Variants in EXOSC9 observed in about 807,000 individuals in gnomAD.
EXOSC9 encodes exosome complex component RRP45.
Under a neutral mutation model 56.5 loss-of-function variants are expected in EXOSC9, and 38 were observed. The ratio of observed to expected loss-of-function variants is 0.67; its 90% confidence interval spans 0.52 to 0.88. The LOEUF (loss-of-function observed/expected upper bound fraction) is 0.88. Ranked by LOEUF, EXOSC9 falls within the 40% of genes least tolerant of loss-of-function variation. The pLI, the probability that EXOSC9 is intolerant of heterozygous loss-of-function variation, is 0.00. For synonymous variants in EXOSC9, 170 were observed against 170.8 expected, an observed-to-expected ratio of 0.99 and a Z score of 0.04; for missense variants, 559 against 530.5, an observed-to-expected ratio of 1.05 and a Z score of -0.53.
chr4:121,809,000 T>A (rs905388440), intron 6 of EXOSC9, among the ~76,000 whole-genome samples: 10 of 151,790 alleles, frequency 6.6e-5, no homozygotes, highest in East Asian at 5.8e-4. Context: ...ATTTTTTTTT[T>A]ATTTTTTTGT....
chr4:121,801,948 T>G, intron 2 of EXOSC9, 27 bp downstream of exon 2: 1 of 1,517,016 alleles, frequency 6.6e-7, no homozygotes, highest in Non-Finnish European at 9.2e-7. Flanking sequence ...GAGATACACA[T>G]TCGGAAGGGA....
chr4:121,808,060 G>A (rs1160671973), intron 6 of EXOSC9, among the ~76,000 whole-genome samples: 1 of 152,086 alleles, frequency 6.6e-6, no homozygotes, highest in Non-Finnish European at 1.5e-5. Flanking sequence ...TTCACAGACT[G>A]GAGGAAAAAA....
rs1009897621 is a variant in EXOSC9 at position 121,810,074 on chromosome 4, G to T, written c.713G>T (p.Gly238Val). The change falls in exon 7 of 12, where the codon GGT (glycine) becomes GTT (valine). Residue 238 changes from glycine to valine, a missense_variant. Gly to Val is a moderately radical substitution (Grantham distance 109). Transcript: ENST00000243498. ...GAGATTTGTACTATCCAGTCCAGTG[G>T]TGGGATAATGCTACTAAAAGATCAA... ...HREICTIQSSGGIMLLKDQVL... is the reference protein window; with the variant it reads ...HREICTIQSSVGIMLLKDQVL... 4 of 1,613,786 alleles carry T rather than the reference G, an allele frequency of 2.5e-6. No individual in the cohort carries two copies. In the African/African-American group the frequency reaches 5.3e-5, roughly 22 times the overall value.
At chr4:121,801,685 C>A in intron 1 of EXOSC9, 142 bp from the exon 2 acceptor site, 1 of 806,326 alleles carries the variant, frequency 1.2e-6, no homozygotes, top group Non-Finnish European at 2.1e-6. Flanking sequence ...GTTGTCCATG[C>A]TGTAGTTTCC....
chr4:121,806,484 GAAA>G (rs112943154), intron 5 of EXOSC9, among the ~76,000 whole-genome samples: 1 of 120,306 alleles, frequency 8.3e-6, no homozygotes, highest in East Asian at 2.2e-4. Context: ...CTTAAAATTA[GAAA>G]AAAAAAAAAA....
In EXOSC9 at chr4:121,804,738, C is replaced by A; in HGVS notation, c.501C>A (p.Val167=). ...LCHFRRPDVS[V]QGDEVTLYTP... ...ATTTCCGAAGACCTGATGTCTCTGT[C>A]CAAGGAGATGAAGTAACACTGGTAA... The change falls in exon 5 of 12, where the codon GTC becomes GTA. Residue 167 remains valine, a synonymous_variant. Transcript: ENST00000243498. 1 of 1,610,114 alleles carries A rather than the reference C, an allele frequency of 6.2e-7. No individual in the cohort carries two copies. Among genetic ancestry groups the A allele is most frequent in the Non-Finnish European group, 8.5e-7 (1 of 1,177,430 alleles).
chr4:121,805,399 A>G (rs1308921845), intron 5 of EXOSC9, among the ~76,000 whole-genome samples: 1 of 152,218 alleles, frequency 6.6e-6, no homozygotes. Context: ...GTTTTGATTT[A>G]TATAAATTAC....
At chr4:121,804,499 C>G (rs1013504988) in intron 4 of EXOSC9, 123 bp from the exon 5 acceptor site, 1 of 575,050 alleles carries the variant, frequency 1.7e-6, no homozygotes, top group Admixed American at 3.3e-5. Context: ...TGACAAAGTA[C>G]AAGGAGTAAC....
At chr4:121,814,269 G>A (rs1191681161) in intron 10 of EXOSC9, 4 of 282,304 alleles carry the variant, frequency 1.4e-5, no homozygotes, top group Middle Eastern at 2.0e-3. Flanking sequence ...TGTAAGTATT[G>A]CATTTTTAGA....
At chr4:121,811,509 C>A in intron 7 of EXOSC9, 74 bp from the exon 8 acceptor site, 1 of 788,926 alleles carries the variant, frequency 1.3e-6, no homozygotes, top group Non-Finnish European at 1.9e-6. Context: ...AGAAAAATTT[C>A]ATGGTTTTAG....
At position 121,816,858 on chromosome 4, in the gene EXOSC9, G is replaced by C; in HGVS notation, c.*2G>C. ...AAAAAGAAGAGAGCTGCCAATTAAA[G>C]CTAACAGTTGTATATCTGTATATAT... On this transcript the variant is annotated 3_prime_UTR_variant, in exon 12 of 12. Coordinates refer to ENST00000243498, the MANE Select transcript of EXOSC9 (RefSeq NM_005033.3). 6.3e-7 allele frequency: 1 copy of C among 1,576,000 alleles called. No homozygotes were observed.
At position 121,811,582 on chromosome 4, in the gene EXOSC9, G is replaced by A; in HGVS notation, c.739-1G>A. 1 of 1,544,304 alleles carries A rather than the reference G, an allele frequency of 6.5e-7. No homozygotes were observed. The highest frequency in any genetic ancestry group is 1.2e-5 in the South Asian group (1 of 81,548). Reference sequence around the variant, plus strand: ...ACAACAGAATTCACTTTTATAAATAGGTTCTGAGATGCAGTAAAATCGCTG... The same window carrying A: ...ACAACAGAATTCACTTTTATAAATAAGTTCTGAGATGCAGTAAAATCGCTG... On this transcript the variant is annotated splice_acceptor_variant, in intron 7 of 11. Coordinates refer to ENST00000243498, the MANE Select transcript of EXOSC9 (RefSeq NM_005033.3). LOFTEE classifies it high-confidence loss of function.
chr4:121,815,818 T>G (rs1724475449), intron 10 of EXOSC9: 1 of 1,041,258 alleles, frequency 9.6e-7, no homozygotes, highest in Non-Finnish European at 1.2e-6. Context: ...CTATATACAT[T>G]TCCCCCTAGC....
At position 121,807,544 on chromosome 4, in the gene EXOSC9, C is replaced by T; in HGVS notation, c.527C>T (p.Thr176Ile). 19 of 1,603,358 alleles carry T rather than the reference C, an allele frequency of 1.2e-5. No homozygotes were observed. Among genetic ancestry groups the T allele is most frequent in the Non-Finnish European group, 1.6e-5 (19 of 1,170,504 alleles). The change falls in exon 6 of 12, where the codon ACA (threonine) becomes ATA (isoleucine). Residue 176 changes from threonine to isoleucine, a missense_variant. Thr to Ile is a moderately conservative substitution (Grantham distance 89). Coordinates refer to ENST00000243498, the MANE Select transcript of EXOSC9 (RefSeq NM_005033.3). ...SVQGDEVTLY[T>I]PEERDPVPLS... ...AAACATTTTCTTTTGAAACAGTATACACCTGAAGAGCGTGATCCTGTACCA... is the reference window on the plus strand; with the variant it reads ...AAACATTTTCTTTTGAAACAGTATATACCTGAAGAGCGTGATCCTGTACCA...
At chr4:121,807,271 C>G (rs1392833388) in intron 5 of EXOSC9, among the ~76,000 whole-genome samples, 1 of 151,772 alleles carries the variant, frequency 6.6e-6, no homozygotes, top group Admixed American at 6.6e-5. Context: ...GCCTGGGCAA[C>G]AAGAGTGAAA....
At chr4:121,812,117 G>A (rs899131632) in intron 8 of EXOSC9, among the ~76,000 whole-genome samples, 3 of 152,084 alleles carry the variant, frequency 2.0e-5, no homozygotes, top group African/African-American at 7.2e-5. Flanking sequence ...TTTTATGAGG[G>A]ATATCTTTCA....
rs1724545552 is a variant in EXOSC9, at chr4:121,816,988, T to TAATGTG, written c.*133_*138dup. The TAATGTG allele has an allele frequency of 8.8e-6, 8 of 911,736 alleles. No homozygotes were observed. The highest frequency in any genetic ancestry group is 1.7e-5 in the African/African-American group (1 of 57,928). 56.5% of individuals were successfully genotyped at this position (911,736 alleles called of 1,614,324 possible). A position where few individuals can be genotyped will look rare whatever the true frequency, so the allele number is the denominator to read the frequency against. On this transcript the variant is annotated 3_prime_UTR_variant, in exon 12 of 12. Transcript: ENST00000243498. Reference sequence around the variant, plus strand: ...GATTTTAAAAATAGTTTTTTGTTTTTAATGTGCTTTAAAATAATAAACCTT... The same window carrying TAATGTG: ...GATTTTAAAAATAGTTTTTTGTTTTTAATGTGAATGTGCTTTAAAATAATAAACCTT...
intron 10 of EXOSC9, chr4:121,814,506 T>G (rs1406475757): frequency 6.6e-6 from 1 of 152,554 alleles, no homozygotes; most frequent in Non-Finnish European, 1.5e-5. Flanking sequence ...TCTTTTTTTT[T>G]GTAGTTTCTA....
At position 121,815,762 on chromosome 4, in the gene EXOSC9, G is replaced by A. The variant is rs1724472696; in HGVS notation, c.1157-607G>A. The A allele has an allele frequency of 6.0e-6, 6 of 995,376 alleles. No individual in the cohort carries two copies. The South Asian group carries it at 2.3e-4, about 39-fold the overall frequency. 61.7% of individuals were successfully genotyped at this position (995,376 alleles called of 1,614,324 possible). On this transcript the variant is annotated intron_variant, in intron 10 of 11. Transcript: ENST00000243498. Reference sequence around the variant, plus strand: ...GGAATGTAAACTGGAACTATTTCTGGAGGAATAGAGTAGCACAAACAATTC... The same window carrying A: ...GGAATGTAAACTGGAACTATTTCTGAAGGAATAGAGTAGCACAAACAATTC...
Sources: allele counts gnomAD v4.1 joint callset (sites outside exome capture counted in the v4.1 genomes callset), GRCh38; gene constraint gnomAD v4.1.1; transcripts MANE v1.5; gene names NCBI Gene and HGNC (gene_info 2026-07-23, HGNC 2026-07-21).